Variants in PDE4B observed in about 807,000 individuals in gnomAD.
The protein encoded by PDE4B is 3',5'-cyclic-AMP phosphodiesterase 4B.
A neutral mutation model predicts 82.2 loss-of-function variants in PDE4B; 20 were observed. That is an observed-to-expected ratio of 0.24 (90% confidence interval 0.17 to 0.35). The LOEUF (loss-of-function observed/expected upper bound fraction) is 0.35. Ranked by LOEUF, PDE4B falls within the 10% of genes least tolerant of loss-of-function variation. The pLI, the probability that PDE4B is intolerant of heterozygous loss-of-function variation, is 1.00. For missense variants in PDE4B, 655 were observed against 907.2 expected (o/e 0.72, Z 3.57); for synonymous variants, 320 against 318.9 (o/e 1.00, Z -0.04).
At chr1:66,126,865 A>G (rs1162526621) in intron 3 of PDE4B, among the ~76,000 whole-genome samples, 1 of 152,238 alleles carries the variant, frequency 6.6e-6, no homozygotes, top group African/African-American at 2.4e-5. Flanking sequence ...TTTAATATCA[A>G]CAGTAAGAAG....
rs534331656 is a variant in PDE4B, at chr1:66,369,479, C to A, written c.1845+510C>A. On this transcript the variant is annotated intron_variant, in intron 16 of 16. Transcript: ENST00000341517. ...TTCTATGCTTTTGAGAACATGCTGA[C>A]ATTTTCTGGTTGTGTCCAAAGCAAC... 5.3e-5 allele frequency among the ~76,000 whole-genome samples: 8 copies of A among 152,350 alleles called. No homozygotes were observed. In the South Asian group the frequency reaches 1.7e-3, roughly 32 times the overall value.
intron 1 of PDE4B, among the ~76,000 whole-genome samples, chr1:65,892,743 C>A (rs1461490146): frequency 2.0e-5 from 3 of 152,142 alleles, no homozygotes; most frequent in East Asian, 3.9e-4. Flanking sequence ...CAAGTAATCT[C>A]CTACCCACCC....
chr1:65,859,750 C>A (rs1022936865), intron 1 of PDE4B, among the ~76,000 whole-genome samples: 1 of 152,192 alleles, frequency 6.6e-6, no homozygotes, highest in African/African-American at 2.4e-5. Flanking sequence ...CTACCATACT[C>A]ATTGTTGGCA....
intron 1 of PDE4B, among the ~76,000 whole-genome samples, chr1:65,833,043 G>A (rs990628660): frequency 5.9e-5 from 9 of 152,142 alleles, no homozygotes; most frequent in African/African-American, 1.9e-4. Context: ...AGGATTTGGA[G>A]CACATTTGCA....
At chr1:65,802,323 C>A (rs1645702963) in intron 1 of PDE4B, among the ~76,000 whole-genome samples, 1 of 152,114 alleles carries the variant, frequency 6.6e-6, no homozygotes, top group South Asian at 2.1e-4. Context: ...GGTGAAAAGA[C>A]AGTTAATAAA....
intron 3 of PDE4B, among the ~76,000 whole-genome samples, chr1:65,950,341 C>A (rs1326219736): frequency 2.0e-5 from 3 of 152,046 alleles, no homozygotes; most frequent in African/African-American, 7.2e-5. Context: ...CTATCACCAG[C>A]AATAGGGTTC....
At chr1:66,371,061 C>CATATATAT (rs5774812) in intron 16 of PDE4B, among the ~76,000 whole-genome samples, 21 of 110,880 alleles carry the variant, frequency 1.9e-4, no homozygotes, top group African/African-American at 6.0e-4. Flanking sequence ...ACACATCATA[C>CATATATAT]ATATATATAT....
At chr1:65,985,986 A>C (rs962799239) in intron 3 of PDE4B, among the ~76,000 whole-genome samples, 2 of 152,188 alleles carry the variant, frequency 1.3e-5, no homozygotes, top group Non-Finnish European at 2.9e-5. Context: ...TGTTAGCTAA[A>C]ATGGTAAACA....
chr1:66,070,954 C>T (rs1656125589), intron 3 of PDE4B, among the ~76,000 whole-genome samples: 1 of 151,834 alleles, frequency 6.6e-6, no homozygotes, highest in African/African-American at 2.4e-5. Context: ...TAAAATATGG[C>T]ATTTAATATA....
At chr1:65,819,813 T>C (rs1312187915) in intron 1 of PDE4B, among the ~76,000 whole-genome samples, 1 of 152,140 alleles carries the variant, frequency 6.6e-6, no homozygotes, top group Non-Finnish European at 1.5e-5. Flanking sequence ...TTGTTTATAA[T>C]TGTTCTGTAA....
chr1:65,992,918 A>C (rs780093085), intron 3 of PDE4B: 1 of 1,613,610 alleles, frequency 6.2e-7, no homozygotes, highest in Admixed American at 1.7e-5. Flanking sequence ...TGACAGCAAA[A>C]GATTCTTCAA....
At chr1:66,303,331 T>TTA (rs1188154354) in intron 7 of PDE4B, among the ~76,000 whole-genome samples, 15 of 134,600 alleles carry the variant, frequency 1.1e-4, no homozygotes, top group Middle Eastern at 7.4e-3. Flanking sequence ...AGCATGATGT[T>TTA]TATATATATA....
chr1:66,367,901 A>C, intron 14 of PDE4B, 42 bp from the exon 15 acceptor site: 2 of 1,613,092 alleles, frequency 1.2e-6, no homozygotes, highest in East Asian at 4.5e-5. Context: ...TCTCTCTGAT[A>C]GACTGAATTT....
rs143554413 is a variant in PDE4B at position 66,361,793 on chromosome 1, G to C, written c.1020G>C (p.Lys340Asn). Reference sequence around the variant, plus strand: ...CTGAAAATGAAGATCACCTGGCCAAGGTGTGTATAAGCTCAGGTTTTGTGC... The same window carrying C: ...CTGAAAATGAAGATCACCTGGCCAACGTGTGTATAAGCTCAGGTTTTGTGC... ...VNTENEDHLA[K>N]ELEDLNKWGL... Residue 340 changes from lysine to asparagine, a missense_variant and splice_region_variant, in exon 10 of 17, where the codon AAG (lysine) becomes AAC (asparagine). Physicochemically the swap from Lys to Asn is moderately conservative, Grantham distance 94. Transcript: ENST00000341517. 2 of 1,610,012 alleles carry C rather than the reference G, an allele frequency of 1.2e-6. No individual in the cohort carries two copies. The highest frequency in any genetic ancestry group is 1.7e-6 in the Non-Finnish European group (2 of 1,177,588).
intron 3 of PDE4B, among the ~76,000 whole-genome samples, chr1:66,017,209 C>T (rs991028432): frequency 8.5e-5 from 13 of 152,060 alleles, no homozygotes; most frequent in African/African-American, 3.1e-4. Context: ...ATTTGTGTAA[C>T]CAGTATCTCT....
chr1:66,062,674 G>A (rs944093281), intron 3 of PDE4B, among the ~76,000 whole-genome samples: 5 of 152,032 alleles, frequency 3.3e-5, no homozygotes, highest in African/African-American at 1.2e-4. Context: ...TCAGCCTTTG[G>A]TAGAAATTAG....
intron 3 of PDE4B, among the ~76,000 whole-genome samples, chr1:66,095,525 C>T (rs989718915): frequency 2.0e-5 from 3 of 151,868 alleles, no homozygotes; most frequent in African/African-American, 7.2e-5. Flanking sequence ...TAAAAAAGTA[C>T]TAAGTAGTGA....
intron 3 of PDE4B, among the ~76,000 whole-genome samples, chr1:66,126,871 A>G (rs548428038): frequency 6.6e-6 from 1 of 152,364 alleles, no homozygotes; most frequent in South Asian, 2.1e-4. Flanking sequence ...ATCAACAGTA[A>G]GAAGACAGGT....
chr1:66,011,534 A>G (rs1652487545), intron 3 of PDE4B, among the ~76,000 whole-genome samples: 1 of 152,082 alleles, frequency 6.6e-6, no homozygotes, highest in Non-Finnish European at 1.5e-5. Flanking sequence ...GGTAAATTTT[A>G]TTTGTAGGGC....
Sources: allele counts gnomAD v4.1 joint callset (sites outside exome capture counted in the v4.1 genomes callset), GRCh38; gene constraint gnomAD v4.1.1; transcripts MANE v1.5; gene names NCBI Gene and HGNC (gene_info 2026-07-23, HGNC 2026-07-21).